Variants in KLHL32 observed in about 807,000 individuals in gnomAD.
KLHL32 encodes the protein kelch-like protein 32.
A neutral mutation model predicts 64.8 loss-of-function variants in KLHL32; 35 were observed. The ratio of observed to expected loss-of-function variants is 0.54; its 90% CI spans 0.41 to 0.72. The LOEUF (loss-of-function observed/expected upper bound fraction) is 0.72. Ranked by LOEUF, KLHL32 falls within the 30% of genes least tolerant of loss-of-function variation. The pLI, the probability that KLHL32 is intolerant of heterozygous loss-of-function variation, is 0.00. For missense variants in KLHL32, 589 were observed against 768.5 expected (o/e 0.77, Z 2.76); for synonymous variants, 259 against 281.0 (o/e 0.92, Z 0.78).
Position 96,924,904 on chromosome 6 carries a change from C to G in KLHL32, c.-188C>G, listed in dbSNP as rs886709245. The G allele has an allele frequency of 3.3e-5, 5 of 152,416 alleles. No homozygotes were observed. Among genetic ancestry groups the G allele is most frequent in the Admixed American group, 1.3e-4 (2 of 15,284 alleles). 9.4% of individuals were successfully genotyped at this position (152,416 alleles called of 1,614,324 possible). A position where few individuals can be genotyped will look rare whatever the true frequency, so the allele number is the denominator to read the frequency against. On this transcript the variant is annotated 5_prime_UTR_variant, in exon 1 of 11. Transcript: ENST00000369261. Reference sequence around the variant, plus strand: ...GCATCCCCGAACCAGCAGAGCGAAGCTACTGCGGGTTCTGTTAACCTCAGC... The same window carrying G: ...GCATCCCCGAACCAGCAGAGCGAAGGTACTGCGGGTTCTGTTAACCTCAGC...
intron 4 of KLHL32, among the ~76,000 whole-genome samples, chr6:97,043,647 A>G (rs906243892): frequency 6.6e-6 from 1 of 152,148 alleles, no homozygotes; most frequent in African/African-American, 2.4e-5. Flanking sequence ...ATACTGTTTA[A>G]CATAATGGGT....
chr6:96,916,576 C>T, the KLHL32 span, among the ~76,000 whole-genome samples: 12 of 152,288 alleles, frequency 7.9e-5, no homozygotes, highest in Admixed American at 5.9e-4. Flanking sequence ...TAAAATGGTA[C>T]GTGAGTCCTT....
chr6:97,078,847 G>A (rs1475952158), intron 5 of KLHL32, among the ~76,000 whole-genome samples: 3 of 152,190 alleles, frequency 2.0e-5, no homozygotes, highest in African/African-American at 4.8e-5. Flanking sequence ...TGCATAATGT[G>A]TATAATTTCT....
chr6:96,974,701 A>G (rs1045014981), intron 2 of KLHL32, among the ~76,000 whole-genome samples: 6 of 152,260 alleles, frequency 3.9e-5, no homozygotes, highest in Non-Finnish European at 8.8e-5. Flanking sequence ...GGTTAATTTT[A>G]AGATGGTGAT....
chr6:97,036,614 G>C (rs7752129), intron 3 of KLHL32, among the ~76,000 whole-genome samples: 27,339 of 152,194 alleles, frequency 0.18, 2,928 homozygotes, highest in African/African-American at 0.31. Context: ...TGGGTGGGCT[G>C]TGTGGTAGTT....
chr6:97,059,727 T>C (rs1482575140), intron 4 of KLHL32, among the ~76,000 whole-genome samples: 2 of 152,324 alleles, frequency 1.3e-5, no homozygotes, highest in African/African-American at 2.4e-5. Context: ...GCTAGATAGA[T>C]CTTGTGTTTC....
intron 3 of KLHL32, among the ~76,000 whole-genome samples, chr6:97,006,904 C>T (rs115345937): frequency 1.1e-3 from 171 of 152,222 alleles, no homozygotes; most frequent in African/African-American, 4.1e-3. Flanking sequence ...AACCCCTTCT[C>T]TCTAGATGCT....
At chr6:97,138,002 T>C (rs17057461) in intron 10 of KLHL32, among the ~76,000 whole-genome samples, 15,393 of 152,186 alleles carry the variant, frequency 0.1, 1,588 homozygotes, top group African/African-American at 0.27. Context: ...TGCAATATGA[T>C]AATGTCAATG....
chr6:96,986,829 C>A (rs112617150), intron 3 of KLHL32, among the ~76,000 whole-genome samples: 2 of 151,982 alleles, frequency 1.3e-5, no homozygotes, highest in South Asian at 4.1e-4. Context: ...CTGGGTGAGA[C>A]GATGCCTCGC....
chr6:96,967,117 A>T, intron 2 of KLHL32, 34 bp downstream of exon 2: 1 of 1,606,120 alleles, frequency 6.2e-7, no homozygotes, highest in East Asian at 2.2e-5. Flanking sequence ...CACATGCCGT[A>T]GTGAGCCCTG....
At position 97,020,042 on chromosome 6, in the gene KLHL32, AAGCAATTCTCCTGCCTC is replaced by A. The variant is rs1311359334; in HGVS notation, c.205-21446_205-21430del. Among the ~76,000 whole-genome samples, 3 of 151,310 alleles carry A rather than the reference AAGCAATTCTCCTGCCTC, an allele frequency of 2.0e-5. No homozygotes were observed. In the East Asian group the frequency reaches 5.9e-4, roughly 30 times the overall value. On this transcript the variant is annotated intron_variant, in intron 3 of 10. Transcript: ENST00000369261. ...ACTGCAACCTCTGCCTCCTGGGTTC[AAGCAATTCTCCTGCCTC>A]AGCCTGCCAAGTAACTGGGATTATA...
intron 6 of KLHL32, among the ~76,000 whole-genome samples, chr6:97,103,103 C>T (rs550361663): frequency 3.5e-4 from 52 of 150,338 alleles, no homozygotes; most frequent in Non-Finnish European, 4.3e-4. Context: ...TATAAATAAA[C>T]GTATATAAAT....
chr6:96,987,187 G>A (rs142839042), intron 3 of KLHL32, among the ~76,000 whole-genome samples: 1 of 152,068 alleles, frequency 6.6e-6, no homozygotes, highest in East Asian at 1.9e-4. Context: ...TTTTTTGAAG[G>A]GTTTTTTGAG....
At chr6:96,957,772 C>G (rs142572799) in intron 1 of KLHL32, among the ~76,000 whole-genome samples, 185 of 152,230 alleles carry the variant, frequency 1.2e-3, no homozygotes, top group African/African-American at 4.3e-3. Flanking sequence ...TAATTTGGTT[C>G]CCAAGGTCTC....
chr6:97,114,214 G>A lies in KLHL32; in HGVS notation c.1059G>A (p.Gly353=), dbSNP rs771985053. 9 of 1,614,046 alleles carry A rather than the reference G, an allele frequency of 5.6e-6. No homozygotes were observed. Among genetic ancestry groups the A allele is most frequent in the Non-Finnish European group, 7.6e-6 (9 of 1,180,036 alleles). The change falls in exon 7 of 11, where the codon GGG becomes GGA. Residue 353 remains glycine (G), a synonymous_variant. Coordinates refer to ENST00000369261, the MANE Select transcript of KLHL32 (RefSeq NM_052904.4). Reference sequence around the variant, plus strand: ...GGGACTTCCTGTTTGTGGCAGGAGGGGAAGTTGAGCATGCCAGTGGCCGGA... The same window carrying A: ...GGGACTTCCTGTTTGTGGCAGGAGGAGAAGTTGAGCATGCCAGTGGCCGGA... ...VMGDFLFVAG[G]EVEHASGRTC... is the part of the protein sequence containing the mutation.
intron 1 of KLHL32, among the ~76,000 whole-genome samples, chr6:96,947,938 A>G (rs1271415993): frequency 6.6e-6 from 1 of 152,144 alleles, no homozygotes; most frequent in Non-Finnish European, 1.5e-5. Flanking sequence ...TTTTCAGAGA[A>G]TCCTTGAGAG....
chr6:97,001,790 G>A (rs190282600), intron 3 of KLHL32, among the ~76,000 whole-genome samples: 1 of 152,318 alleles, frequency 6.6e-6, no homozygotes, highest in East Asian at 1.9e-4. Context: ...GATAATGAAA[G>A]CAGATATTTT....
intron 1 of KLHL32, among the ~76,000 whole-genome samples, chr6:96,962,940 T>C (rs1458955116): frequency 1.3e-5 from 2 of 152,202 alleles, no homozygotes; most frequent in African/African-American, 2.4e-5. Context: ...AAATTTGTGG[T>C]ACTAGTCTTT....
intron 3 of KLHL32, among the ~76,000 whole-genome samples, chr6:97,032,004 A>G (rs759376641): frequency 2.0e-5 from 3 of 152,174 alleles, no homozygotes; most frequent in Non-Finnish European, 4.4e-5. Flanking sequence ...TTGTATTTAA[A>G]CCTATAACAA....
Sources: gnomAD v4.1 joint callset for allele counts (sites outside exome capture counted in the v4.1 genomes callset) on GRCh38, gnomAD v4.1.1 for gene constraint, MANE v1.5 for transcripts, NCBI Gene and HGNC (gene_info 2026-07-23, HGNC 2026-07-21) for gene names.